Variants in IL22RA2 observed in about 807,000 individuals in gnomAD.
IL22RA2 encodes the protein interleukin-22 receptor subunit alpha-2.
A neutral mutation model predicts 30.7 loss-of-function variants in IL22RA2; 39 were observed. The observed-to-expected ratio is 1.27, with a 90% CI of 0.98 to 1.66. The LOEUF is 1.66. Ranked by LOEUF, IL22RA2 falls within the 40% of genes most tolerant of loss-of-function variation. The pLI is 0.00. For missense variants in IL22RA2, 315 were observed against 312.7 expected (o/e 1.01, Z -0.05); for synonymous variants, 103 against 105.0 (o/e 0.98, Z 0.11).
At position 137,162,106 on chromosome 6, in the gene IL22RA2, G is replaced by A. The variant is rs76991456; in HGVS notation, c.-65-292C>T. 4.1e-3 allele frequency among the ~76,000 whole-genome samples: 627 copies of A among 152,252 alleles called. 3 individuals carry two copies. Among genetic ancestry groups the A allele is most frequent in the Admixed American group, 6.0e-3 (92 of 15,300 alleles). ...TTGTGCAAGTGGCAAGCAGGTGAGT[G>A]AATGAAACAACTAGTGGGGCCTTAA... On this transcript the variant is annotated intron_variant, in intron 1 of 6. Transcript: ENST00000296980.
At chr6:137,155,223 C>A (rs765264975) in intron 4 of IL22RA2, 104 bp from the exon 5 acceptor site, 1 of 775,010 alleles carries the variant, frequency 1.3e-6, no homozygotes, top group Non-Finnish European at 2.0e-6. Flanking sequence ...AGTAGCAATA[C>A]CACCATGATA....
intron 4 of IL22RA2, 86 bp downstream of exon 4, chr6:137,156,673 T>G: frequency 6.5e-7 from 1 of 1,533,092 alleles, no homozygotes; most frequent in Non-Finnish European, 8.9e-7. Context: ...TATTCTGGGG[T>G]CTGAAATTTA....
intron 5 of IL22RA2, among the ~76,000 whole-genome samples, chr6:137,151,329 A>C (rs986737093): frequency 6.6e-6 from 1 of 152,258 alleles, no homozygotes; most frequent in African/African-American, 2.4e-5. Context: ...AATTTTCAAC[A>C]AATGGTGCTG....
rs865916631 is a variant in IL22RA2 at position 137,156,746 on chromosome 6, A to T, written c.293+13T>A. 1 of 1,611,300 alleles carries T rather than the reference A, an allele frequency of 6.2e-7. No homozygotes were observed. Among genetic ancestry groups the T allele is most frequent in the African/African-American group, 1.3e-5 (1 of 74,896 alleles). Reference sequence around the variant, plus strand: ...ACCTGAGGCTAGGTAATTGATAAGGAAAAGAGGTGTACTTAGCCAATGTTC... The same window carrying T: ...ACCTGAGGCTAGGTAATTGATAAGGTAAAGAGGTGTACTTAGCCAATGTTC... On this transcript the variant is annotated intron_variant, in intron 4 of 6. Transcript: ENST00000296980.
At chr6:137,160,421 G>T (rs925222324) in intron 2 of IL22RA2, among the ~76,000 whole-genome samples, 3 of 152,188 alleles carry the variant, frequency 2.0e-5, no homozygotes, top group Admixed American at 6.5e-5. Flanking sequence ...GAAGGAGATT[G>T]CCAGGCAGCC....
intron 5 of IL22RA2, among the ~76,000 whole-genome samples, chr6:137,154,583 C>T (rs1030286203): frequency 6.6e-6 from 1 of 152,164 alleles, no homozygotes; most frequent in African/African-American, 2.4e-5. Flanking sequence ...CCACTGCACT[C>T]CAGCCTGGGT....
At chr6:137,163,699 G>T (rs1052894885) in intron 1 of IL22RA2, among the ~76,000 whole-genome samples, 5 of 152,220 alleles carry the variant, frequency 3.3e-5, no homozygotes, top group African/African-American at 1.2e-4. Flanking sequence ...AGGGGGTTGG[G>T]ACAATGGGAG....
chr6:137,165,215 G>A (rs540670533), intron 1 of IL22RA2, among the ~76,000 whole-genome samples: 7 of 152,202 alleles, frequency 4.6e-5, no homozygotes, highest in Non-Finnish European at 1.0e-4. Flanking sequence ...TATCGGAAAG[G>A]TCTCAGAGGT....
chr6:137,146,538 C>T (rs572641835), intron 6 of IL22RA2, among the ~76,000 whole-genome samples: 2 of 152,296 alleles, frequency 1.3e-5, no homozygotes, highest in Non-Finnish European at 2.9e-5. Context: ...AGATTGCTTG[C>T]CTATCTCCTA....
At position 137,143,861 on chromosome 6, in the gene IL22RA2, T is replaced by C. The variant is rs149489220; in HGVS notation, c.*1763A>G. 4.2e-4 allele frequency: 64 copies of C among 152,344 alleles called. No individual in the cohort carries two copies. The highest frequency in any genetic ancestry group is 8.4e-4 in the Non-Finnish European group (57 of 68,038). The allele number at this position is 152,344 out of a possible 1,614,324, so 9.4% of individuals were successfully genotyped here. On this transcript the variant is annotated 3_prime_UTR_variant, in exon 7 of 7. Coordinates refer to ENST00000296980, the MANE Select transcript of IL22RA2 (RefSeq NM_052962.3). ...TTTATTGAAATCATGTGACAATATA[T>C]CCCTAACACCATGAAGAAGATGACA...
chr6:137,158,072 C>A, intron 3 of IL22RA2, among the ~76,000 whole-genome samples: 1 of 152,120 alleles, frequency 6.6e-6, no homozygotes, highest in East Asian at 1.9e-4. Flanking sequence ...GAGAACCCAC[C>A]ATGTGCCAGG....
intron 1 of IL22RA2, among the ~76,000 whole-genome samples, chr6:137,166,062 A>T (rs1778620173): frequency 6.6e-6 from 1 of 152,218 alleles, no homozygotes; most frequent in African/African-American, 2.4e-5. Context: ...GAAACTGTGG[A>T]TGAAGTTTTC....
intron 2 of IL22RA2, among the ~76,000 whole-genome samples, chr6:137,159,511 T>G (rs550170601): frequency 2.6e-5 from 4 of 152,172 alleles, no homozygotes; most frequent in Admixed American, 2.6e-4. Flanking sequence ...TTAGTAGAGA[T>G]GGGGTTTTGC....
At chr6:137,148,528 C>T (rs1778224722) in intron 5 of IL22RA2, among the ~76,000 whole-genome samples, 1 of 152,178 alleles carries the variant, frequency 6.6e-6, no homozygotes, top group Non-Finnish European at 1.5e-5. Context: ...CCACATCCAG[C>T]AAATGCCTTC....
At chr6:137,148,812 G>A (rs1778231738) in intron 5 of IL22RA2, among the ~76,000 whole-genome samples, 1 of 152,152 alleles carries the variant, frequency 6.6e-6, no homozygotes, top group Admixed American at 6.5e-5. Flanking sequence ...CTTTTGTAGT[G>A]AGGCACATAT....
rs1318171024 is a variant in IL22RA2 at position 137,147,207 on chromosome 6, A to T, written c.642+515T>A. On this transcript the variant is annotated intron_variant, in intron 6 of 6. Coordinates refer to ENST00000296980, the MANE Select transcript of IL22RA2 (RefSeq NM_052962.3). Reference sequence around the variant, plus strand: ...TCTACAAAAAAAAAAAAAAAAAAAAAAAAAAAAAAGCTGGATGTGATGGGC... The same window carrying T: ...TCTACAAAAAAAAAAAAAAAAAAAATAAAAAAAAAGCTGGATGTGATGGGC... Among the ~76,000 whole-genome samples, 5 of 149,174 alleles carry T rather than the reference A, an allele frequency of 3.4e-5. No homozygotes were observed. The East Asian group carries it at 7.8e-4, about 23-fold the overall frequency.
Position 137,145,944 on chromosome 6 carries a change from G to C in IL22RA2, c.643-171C>G, listed in dbSNP as rs182927714. Among the ~76,000 whole-genome samples, 8 of 152,308 alleles carry C rather than the reference G, an allele frequency of 5.3e-5. No individual in the cohort carries two copies. The East Asian group carries it at 1.4e-3, about 26-fold the overall frequency. On this transcript the variant is annotated intron_variant, in intron 6 of 6. Transcript: ENST00000296980. ...GTCCTAGGCCATAGCCTGGTAAAGG[G>C]ACAAGGCAAGTGGCTGTGTAGGTGC...
chr6:137,166,174 G>A (rs1778621626), intron 1 of IL22RA2, among the ~76,000 whole-genome samples: 2 of 152,228 alleles, frequency 1.3e-5, no homozygotes, highest in Admixed American at 1.3e-4. Context: ...CAGTTGGGCT[G>A]GATATGCAGT....
intron 1 of IL22RA2, among the ~76,000 whole-genome samples, chr6:137,162,789 C>T (rs1047401432): frequency 2.6e-5 from 4 of 152,112 alleles, no homozygotes; most frequent in African/African-American, 9.7e-5. Flanking sequence ...CAGAAAGAAA[C>T]ATTTCGTAGG....
Sources: allele counts gnomAD v4.1 joint callset (sites outside exome capture counted in the v4.1 genomes callset), GRCh38; gene constraint gnomAD v4.1.1; transcripts MANE v1.5; gene names NCBI Gene and HGNC (gene_info 2026-07-23, HGNC 2026-07-21).